LRRC52: variants seen among roughly 807,000 people sequenced by gnomAD.
The protein encoded by LRRC52 is leucine rich repeat containing 52.
In LRRC52, 15 loss-of-function variants were observed where a neutral mutation model predicts 14.7. The observed-to-expected ratio is 1.02, with a 90% CI of 0.68 to 1.58. The LOEUF (loss-of-function observed/expected upper bound fraction) is 1.58. LRRC52 is among the 40% of genes most tolerant of loss of function. LRRC52 has a pLI of 0.00. For missense variants in LRRC52, 400 were observed against 387.7 expected (o/e 1.03, Z -0.27); for synonymous variants, 180 against 163.9 (o/e 1.10, Z -0.75).
intron 1 of LRRC52, among the ~76,000 whole-genome samples, chr1:165,554,530 A>G (rs1057469542): frequency 2.6e-5 from 4 of 152,126 alleles, no homozygotes; most frequent in Non-Finnish European, 5.9e-5. Context: ...TGCAGCCTTG[A>G]CTTACCAGGC....
intron 1 of LRRC52, among the ~76,000 whole-genome samples, chr1:165,560,945 G>A (rs760969084): frequency 3.3e-5 from 5 of 152,124 alleles, no homozygotes; most frequent in Non-Finnish European, 7.3e-5. Flanking sequence ...TTGAGCCAGA[G>A]TGTGACCGAG....
intron 1 of LRRC52, among the ~76,000 whole-genome samples, chr1:165,557,713 T>C (rs1242203135): frequency 6.6e-6 from 1 of 151,872 alleles, no homozygotes; most frequent in Non-Finnish European, 1.5e-5. Flanking sequence ...AAAGAAAAAA[T>C]GGGGGAATTA....
intron 1 of LRRC52, among the ~76,000 whole-genome samples, chr1:165,561,664 T>C (rs770551457): frequency 8.5e-5 from 13 of 152,234 alleles, no homozygotes; most frequent in South Asian, 2.1e-4. Context: ...GGCTTCTTCC[T>C]CTCCCTTCCT....
chr1:165,560,638 C>T (rs142824159), intron 1 of LRRC52, among the ~76,000 whole-genome samples: 23 of 152,206 alleles, frequency 1.5e-4, no homozygotes, highest in Admixed American at 5.9e-4. Flanking sequence ...TGAGGGAGGT[C>T]TCCCTGGAAT....
Position 165,544,223 on chromosome 1 carries a change from C to CCCCCCCCG in LRRC52, c.-71_-70insCCCCGCCC. On this transcript the variant is annotated 5_prime_UTR_variant, in exon 1 of 2. Transcript: ENST00000294818. ...CCAGAGCCCCTCCCCCGCCCCACCC[C>CCCCCCCCG]CCCACCGGCAGCCTTCGGATCAGAG... The CCCCCCCCG allele has an allele frequency of 2.9e-6, 4 of 1,377,792 alleles. No individual in the cohort carries two copies. The highest frequency in any genetic ancestry group is 1.4e-5 in the South Asian group (1 of 73,736). The allele number at this position is 1,377,792 out of a possible 1,614,324, so 85.3% of individuals were successfully genotyped here.
chr1:165,560,433 C>T (rs1244722471), intron 1 of LRRC52, among the ~76,000 whole-genome samples: 1 of 152,120 alleles, frequency 6.6e-6, no homozygotes, highest in African/African-American at 2.4e-5. Flanking sequence ...TTAACAAGAA[C>T]AATAATGATC....
intron 1 of LRRC52, among the ~76,000 whole-genome samples, chr1:165,557,146 C>T (rs1217540830): frequency 6.6e-6 from 1 of 152,160 alleles, no homozygotes. Flanking sequence ...TAATAATTAC[C>T]TTTTGATATC....
At chr1:165,546,780 G>A (rs1056218693) in intron 1 of LRRC52, among the ~76,000 whole-genome samples, 2 of 152,064 alleles carry the variant, frequency 1.3e-5, no homozygotes, top group Non-Finnish European at 2.9e-5. Context: ...TATCTTCTCA[G>A]AATTTTCAGG....
chr1:165,544,607 T>A lies in LRRC52; in HGVS notation c.311T>A (p.Ile104Asn). The change falls in exon 1 of 2, where the codon ATC becomes AAC. Residue 104 changes from isoleucine (I) to asparagine (N), a missense_variant. Coordinates refer to ENST00000294818, the MANE Select transcript of LRRC52 (RefSeq NM_001005214.4). ...DYTFIGVFKL[I>N]YLDLSSNNLT... is the part of the protein sequence containing the mutation. The stretch of plus-strand genomic sequence containing the variant: ...ACCTTCATCGGGGTCTTCAAACTCA[T>A]CTACCTTGACCTCAGCTCCAACAAC... 1.2e-6 allele frequency: 2 copies of A among 1,613,846 alleles called. No individual in the cohort carries two copies. The highest frequency in any genetic ancestry group is 1.7e-6 in the Non-Finnish European group (2 of 1,179,972).
At chr1:165,552,472 A>G (rs1661151671) in intron 1 of LRRC52, among the ~76,000 whole-genome samples, 1 of 152,142 alleles carries the variant, frequency 6.6e-6, no homozygotes. Context: ...GGAACATGCA[A>G]TATATCCTAA....
At chr1:165,560,380 A>G (rs180696634) in intron 1 of LRRC52, among the ~76,000 whole-genome samples, 76 of 152,320 alleles carry the variant, frequency 5.0e-4, no homozygotes, top group Non-Finnish European at 9.6e-4. Flanking sequence ...ACATCCCTCA[A>G]TTTTACAAAT....
At chr1:165,549,950 T>A (rs1661097239) in intron 1 of LRRC52, among the ~76,000 whole-genome samples, 1 of 39,934 alleles carries the variant, frequency 2.5e-5, no homozygotes, top group Non-Finnish European at 6.9e-5. Context: ...AGAGTTAATG[T>A]AGTCATTTTT....
intron 1 of LRRC52, among the ~76,000 whole-genome samples, chr1:165,558,649 GAAAAGGAAGTTAAATGATTTTTTTAAA>G (rs1004143161): frequency 3.0e-4 from 45 of 152,008 alleles, no homozygotes; most frequent in Non-Finnish European, 2.4e-4. Context: ...ACGAGCTAAA[GAAAAGGAAGTTAAATGATTTTTTTAAA>G]AAAAGGAGGC....
At chr1:165,553,175 A>T (rs1661168869) in intron 1 of LRRC52, among the ~76,000 whole-genome samples, 1 of 152,260 alleles carries the variant, frequency 6.6e-6, no homozygotes, top group African/African-American at 2.4e-5. Context: ...GGCCAAGTAC[A>T]GAAGCTTTGG....
At chr1:165,558,078 C>T (rs1039816938) in intron 1 of LRRC52, among the ~76,000 whole-genome samples, 4 of 152,174 alleles carry the variant, frequency 2.6e-5, no homozygotes, top group African/African-American at 9.7e-5. Flanking sequence ...AAAGAGAGGC[C>T]TCCTTGGCTC....
chr1:165,545,427 C>T (rs190799), intron 1 of LRRC52, among the ~76,000 whole-genome samples: 147,228 of 152,192 alleles, frequency 0.97, 71,406 homozygotes, highest in East Asian at 1. Context: ...GAAAGTTTAA[C>T]ATAAAGATGG....
At chr1:165,553,169 A>C (rs1031009065) in intron 1 of LRRC52, among the ~76,000 whole-genome samples, 1 of 152,258 alleles carries the variant, frequency 6.6e-6, no homozygotes, top group Non-Finnish European at 1.5e-5. Flanking sequence ...AATAAGGGCC[A>C]AGTACAGAAG....
In LRRC52 at chr1:165,544,231, G is replaced by T; in HGVS notation, c.-66G>T. ...CCTCCCCCGCCCCACCCCCCCACCGGCAGCCTTCGGATCAGAGGACAGAGC... is the reference window on the plus strand; with the variant it reads ...CCTCCCCCGCCCCACCCCCCCACCGTCAGCCTTCGGATCAGAGGACAGAGC... On this transcript the variant is annotated 5_prime_UTR_variant, in exon 1 of 2. Coordinates refer to ENST00000294818, the MANE Select transcript of LRRC52 (RefSeq NM_001005214.4). 1.4e-6 allele frequency: 2 copies of T among 1,396,764 alleles called. 1 individual carries two copies. Among genetic ancestry groups the T allele is most frequent in the Middle Eastern group, 5.6e-4 (2 of 3,588 alleles). 86.5% of individuals were successfully genotyped at this position (1,396,764 alleles called of 1,614,324 possible). A position where few individuals can be genotyped will look rare whatever the true frequency, so the allele number is the denominator to read the frequency against.
intron 1 of LRRC52, among the ~76,000 whole-genome samples, chr1:165,553,369 C>T (rs916222347): frequency 7.2e-5 from 11 of 152,174 alleles, no homozygotes; most frequent in Non-Finnish European, 1.2e-4. Context: ...TCCCTGATGT[C>T]TTGGGCAGTT....
Sources: allele counts gnomAD v4.1 joint callset (sites outside exome capture counted in the v4.1 genomes callset), GRCh38; gene constraint gnomAD v4.1.1; transcripts MANE v1.5; gene names NCBI Gene and HGNC (gene_info 2026-07-23, HGNC 2026-07-21).